The following CDC42SE2 variants were observed in gnomAD, a reference collection of about 807,000 sequenced individuals.
CDC42SE2 encodes the protein CDC42 small effector 2.
In CDC42SE2, 3 loss-of-function variants were observed where a neutral mutation model predicts 11.5. The observed-to-expected ratio is 0.26, with a 90% confidence interval of 0.12 to 0.67. The LOEUF is 0.67. Ranked by LOEUF, CDC42SE2 falls within the 30% of genes least tolerant of loss-of-function variation. The probability of loss-of-function intolerance (pLI) is 0.80; values close to 1 mark genes in which losing one functional copy is unlikely to be tolerated. For synonymous variants in CDC42SE2, 33 were observed against 34.8 expected (o/e 0.95, Z 0.18); for missense variants, 82 against 106.8 (o/e 0.77, Z 1.02).
intron 1 of CDC42SE2, among the ~76,000 whole-genome samples, chr5:131,299,914 A>C (rs1348182690): frequency 1.3e-5 from 2 of 152,200 alleles, no homozygotes; most frequent in Non-Finnish European, 2.9e-5. Flanking sequence ...GGCTGTTCTG[A>C]TATAGGTATT....
intron 1 of CDC42SE2, among the ~76,000 whole-genome samples, chr5:131,274,049 C>T (rs1002314411): frequency 4.6e-5 from 7 of 152,144 alleles, no homozygotes; most frequent in African/African-American, 1.4e-4. Flanking sequence ...GGACTACAGG[C>T]GTGAGCTACT....
intron 3 of CDC42SE2, among the ~76,000 whole-genome samples, chr5:131,367,905 T>C (rs1040984178): frequency 3.3e-5 from 5 of 152,116 alleles, no homozygotes; most frequent in Admixed American, 2.6e-4. Context: ...GAGAAGGGAT[T>C]TAATTATATT....
intron 1 of CDC42SE2, chr5:131,253,049 A>C (rs1281740766): frequency 6.6e-6 from 1 of 152,212 alleles, no homozygotes; most frequent in Non-Finnish European, 1.5e-5. Flanking sequence ...TCCTGACTAG[A>C]GATAGAGCCA....
intron 1 of CDC42SE2, among the ~76,000 whole-genome samples, chr5:131,298,987 A>T (rs1360902477): frequency 6.6e-6 from 1 of 152,202 alleles, no homozygotes; most frequent in Non-Finnish European, 1.5e-5. Context: ...GAAGGAAATG[A>T]TAGCCATATC....
At chr5:131,289,578 C>A (rs915210047) in intron 1 of CDC42SE2, among the ~76,000 whole-genome samples, 2 of 151,424 alleles carry the variant, frequency 1.3e-5, no homozygotes, top group African/African-American at 4.9e-5. Flanking sequence ...GAGGCTGAGG[C>A]AGGAGAATGG....
intron 2 of CDC42SE2, among the ~76,000 whole-genome samples, chr5:131,351,983 G>T (rs562996863): frequency 1.3e-4 from 20 of 152,264 alleles, no homozygotes; most frequent in African/African-American, 4.8e-4. Context: ...ATGGGCAAAA[G>T]GTTGGAACAT....
upstream of CDC42SE2, among the ~76,000 whole-genome samples, chr5:131,242,580 T>C (rs1021969132): frequency 1.3e-5 from 2 of 152,184 alleles, no homozygotes; most frequent in African/African-American, 4.8e-5. Context: ...CAAAATTATA[T>C]AATTAAAAAA....
At position 131,382,191 on chromosome 5, in the gene CDC42SE2, C is replaced by T. The variant is rs79287800; in HGVS notation, c.55-3352C>T. Among the ~76,000 whole-genome samples the T allele has an allele frequency of 4.6e-4, 70 of 152,290 alleles. 2 individuals carry two copies. In the East Asian group the frequency reaches 0.013, roughly 29 times the overall value. On this transcript the variant is annotated intron_variant, in intron 3 of 4. Coordinates refer to ENST00000505065, the MANE Select transcript of CDC42SE2 (RefSeq NM_001375635.1). ...TGATAGAAGTAAGCTGAAGTCTTCC[C>T]ATCCTTTGCTTTTCAGTGTCAGAGT...
chr5:131,230,776 G>A, the CDC42SE2 span, among the ~76,000 whole-genome samples: 60 of 152,244 alleles, frequency 3.9e-4, no homozygotes, highest in Middle Eastern at 3.4e-3. Context: ...CTGTCTATTC[G>A]TAGTCTTCCA....
At chr5:131,387,614 T>G (rs1013938647) in intron 4 of CDC42SE2, among the ~76,000 whole-genome samples, 3 of 152,214 alleles carry the variant, frequency 2.0e-5, no homozygotes, top group African/African-American at 4.8e-5. Context: ...TAAAATCTTA[T>G]GTACATTTCG....
chr5:131,218,780 G>C, the CDC42SE2 span, among the ~76,000 whole-genome samples: 1 of 152,190 alleles, frequency 6.6e-6, no homozygotes, highest in Non-Finnish European at 1.5e-5. Context: ...GGGGACAGGA[G>C]GGGGATCCCC....
At chr5:131,366,158 G>T (rs1054741977) in intron 3 of CDC42SE2, among the ~76,000 whole-genome samples, 1 of 152,198 alleles carries the variant, frequency 6.6e-6, no homozygotes, top group African/African-American at 2.4e-5. Context: ...CTATTTTCTT[G>T]TAGATAGTCA....
chr5:131,315,234 C>T (rs930185661), intron 1 of CDC42SE2, among the ~76,000 whole-genome samples: 22 of 152,012 alleles, frequency 1.4e-4, no homozygotes, highest in Admixed American at 1.4e-3. Flanking sequence ...TTTAGATGAA[C>T]TATATCTTAG....
intron 2 of CDC42SE2, among the ~76,000 whole-genome samples, chr5:131,348,204 T>C (rs1758901887): frequency 6.6e-6 from 1 of 152,174 alleles, no homozygotes; most frequent in Admixed American, 6.5e-5. Flanking sequence ...GAAGTCAAAT[T>C]GTCCCTGTTT....
At chr5:131,302,366 A>G (rs1757701989) in intron 1 of CDC42SE2, among the ~76,000 whole-genome samples, 1 of 152,150 alleles carries the variant, frequency 6.6e-6, no homozygotes, top group South Asian at 2.1e-4. Context: ...TTTAGTAGAA[A>G]CAGGGTTTCT....
At chr5:131,250,184 G>A (rs1055664166) in intron 1 of CDC42SE2, among the ~76,000 whole-genome samples, 8 of 152,156 alleles carry the variant, frequency 5.3e-5, no homozygotes, top group African/African-American at 1.9e-4. Flanking sequence ...GACAATCATA[G>A]CTCCACTTTT....
At position 131,252,576 on chromosome 5, in the gene CDC42SE2, A is replaced by G. The variant is rs974801847; in HGVS notation, n.108-2519A>G. Among the ~76,000 whole-genome samples, 83 of 152,172 alleles carry G rather than the reference A, an allele frequency of 5.5e-4. 5 individuals are homozygous for G. The stretch of plus-strand genomic sequence containing the variant: ...GGAGGCTGAGCAGGGGAATTGCTTG[A>G]ACCAGGGAGGTGGAGGTTGCAGTGA... On this transcript the variant is annotated intron_variant and non_coding_transcript_variant, in intron 1 of 3. Coordinates refer to the CDC42SE2 transcript ENST00000502840.
intron 2 of CDC42SE2, among the ~76,000 whole-genome samples, chr5:131,355,184 AC>A (rs1339382236): frequency 6.6e-6 from 1 of 152,172 alleles, no homozygotes; most frequent in East Asian, 1.9e-4. Flanking sequence ...TATAATATAT[AC>A]TGTACTTTCA....
At chr5:131,231,640 G>T in the CDC42SE2 span, among the ~76,000 whole-genome samples, 1 of 151,952 alleles carries the variant, frequency 6.6e-6, no homozygotes. Flanking sequence ...AGTTTAATCA[G>T]TTCACATTAA....
Sources: gnomAD v4.1 joint callset for allele counts (sites outside exome capture counted in the v4.1 genomes callset) on GRCh38, gnomAD v4.1.1 for gene constraint, MANE v1.5 for transcripts, NCBI Gene and HGNC (gene_info 2026-07-23, HGNC 2026-07-21) for gene names.